Variants in ZNF804B observed in about 807,000 individuals in gnomAD.
ZNF804B encodes zinc finger 804B.
A neutral mutation model predicts 101.4 loss-of-function variants in ZNF804B; 80 were observed. That is an observed-to-expected ratio of 0.79 (90% CI 0.66 to 0.95). The LOEUF (loss-of-function observed/expected upper bound fraction) is 0.95, where lower values mean the gene tolerates loss of function less well. Ranked by LOEUF, ZNF804B falls within the 40% of genes least tolerant of loss-of-function variation. ZNF804B has a pLI of 0.00. For missense variants in ZNF804B, 1,673 were observed against 1,561.9 expected (o/e 1.07, Z -1.20); for synonymous variants, 622 against 558.8 (o/e 1.11, Z -1.59).
Position 89,337,008 on chromosome 7 carries a change from A to G in ZNF804B, c.4026A>G (p.Leu1342=). 1 of 1,613,938 alleles carries G rather than the reference A, an allele frequency of 6.2e-7. No individual in the cohort carries two copies. The highest frequency in any genetic ancestry group is 1.3e-5 in the African/African-American group (1 of 75,028). ...AGCTAAATGAAGTGAAAGAGGCCTT[A>G]AATGTGTCCACACACTTGAACTAAT... ...MQQLNEVKEA[L]NVSTHLN Residue 1342 remains leucine, a synonymous_variant, in exon 4 of 4, where the codon TTA becomes TTG. Coordinates refer to ENST00000333190, the MANE Select transcript of ZNF804B (RefSeq NM_181646.5).
chr7:88,903,728 G>T (rs1289864769), intron 1 of ZNF804B, among the ~76,000 whole-genome samples: 1 of 152,030 alleles, frequency 6.6e-6, no homozygotes, highest in Non-Finnish European at 1.5e-5. Flanking sequence ...ATTTTTTCAT[G>T]TCTGTTGGCC....
At chr7:88,928,204 C>T (rs1792834394) in intron 1 of ZNF804B, among the ~76,000 whole-genome samples, 1 of 152,086 alleles carries the variant, frequency 6.6e-6, no homozygotes, top group Non-Finnish European at 1.5e-5. Flanking sequence ...CTACTCCTGA[C>T]TTTATTTCTC....
intron 1 of ZNF804B, among the ~76,000 whole-genome samples, chr7:89,065,789 C>A (rs193250476): frequency 2.4e-3 from 369 of 152,212 alleles, no homozygotes; most frequent in African/African-American, 8.0e-3. Context: ...TCATCTCAAC[C>A]TTTTACTTCC....
chr7:89,253,822 T>A lies in ZNF804B; in HGVS notation c.249+35527T>A, dbSNP rs537681180. The stretch of plus-strand genomic sequence containing the variant: ...CATCAATTTAAAAAATAAAAATATA[T>A]AGGTATAATCTAAGCTGAATTTCTC... On this transcript the variant is annotated intron_variant, in intron 2 of 3. Transcript: ENST00000333190. 8.3e-4 allele frequency among the ~76,000 whole-genome samples: 126 copies of A among 152,206 alleles called. 1 individual carries two copies. The highest frequency in any genetic ancestry group is 8.7e-4 in the Non-Finnish European group (59 of 67,966).
rs778078214 is a variant in ZNF804B, at chr7:89,285,522, C to CAAAAAAAAAAA, written c.250-41806_250-41796dup. The stretch of plus-strand genomic sequence containing the variant: ...TGGGCGAGAGAGCGAGACTCTGTCT[C>CAAAAAAAAAAA]AAAAAAAAAAAAAAAAAAAAAAAAA... On this transcript the variant is annotated intron_variant, in intron 2 of 3. Transcript: ENST00000333190. 9.5e-3 allele frequency among the ~76,000 whole-genome samples: 212 copies of CAAAAAAAAAAA among 22,384 alleles called. 22 individuals are homozygous for CAAAAAAAAAAA. Among genetic ancestry groups the CAAAAAAAAAAA allele is most frequent in the Non-Finnish European group, 0.012 (144 of 12,252 alleles). 14.7% of individuals were successfully genotyped at this position (22,384 alleles called of 152,430 possible).
At chr7:88,769,098 T>C (rs1375978173) in intron 1 of ZNF804B, among the ~76,000 whole-genome samples, 1 of 152,190 alleles carries the variant, frequency 6.6e-6, no homozygotes, top group Non-Finnish European at 1.5e-5. Context: ...GATGTTGTAG[T>C]GGGGGAAAAC....
intron 1 of ZNF804B, among the ~76,000 whole-genome samples, chr7:89,176,591 CTTTTTTTTTT>C (rs35866405): frequency 1.4e-5 from 1 of 71,942 alleles, no homozygotes; most frequent in Non-Finnish European, 2.7e-5. Context: ...TTCTTTCTTT[CTTTTTTTTTT>C]TTTTTTTCAT....
chr7:89,225,174 G>T (rs1051078708), intron 2 of ZNF804B, among the ~76,000 whole-genome samples: 12 of 151,966 alleles, frequency 7.9e-5, no homozygotes, highest in African/African-American at 2.9e-4. Context: ...CTAATGTCCT[G>T]TTGCCACTAT....
At chr7:88,760,895 A>G (rs975934308) in intron 1 of ZNF804B, among the ~76,000 whole-genome samples, 2 of 100,226 alleles carry the variant, frequency 2.0e-5, no homozygotes, top group African/African-American at 4.5e-5. Flanking sequence ...ATATATATAT[A>G]TAATAAATAT....
chr7:89,324,533 T>G (rs1216101457), intron 2 of ZNF804B, among the ~76,000 whole-genome samples: 3 of 150,056 alleles, frequency 2.0e-5, no homozygotes, highest in African/African-American at 7.4e-5. Context: ...ATTTAATATA[T>G]TATTATTATG....
intron 1 of ZNF804B, among the ~76,000 whole-genome samples, chr7:88,936,777 C>T (rs897705946): frequency 2.0e-5 from 3 of 151,950 alleles, no homozygotes; most frequent in African/African-American, 7.2e-5. Flanking sequence ...CTACCTTATG[C>T]TTGGTGGGAA....
At chr7:88,851,170 T>G (rs938691150) in intron 1 of ZNF804B, among the ~76,000 whole-genome samples, 1 of 152,102 alleles carries the variant, frequency 6.6e-6, no homozygotes, top group Non-Finnish European at 1.5e-5. Context: ...TCAGGTAGCC[T>G]AATATATGTA....
intron 1 of ZNF804B, among the ~76,000 whole-genome samples, chr7:89,008,549 C>T (rs566908627): frequency 6.6e-5 from 10 of 152,262 alleles, no homozygotes; most frequent in African/African-American, 2.4e-4. Context: ...AACATTCCCC[C>T]AACACTGTCC....
At chr7:89,222,616 G>A (rs999655080) in intron 2 of ZNF804B, among the ~76,000 whole-genome samples, 9 of 151,834 alleles carry the variant, frequency 5.9e-5, no homozygotes, top group Admixed American at 3.3e-4. Context: ...CTTCAAACAT[G>A]TCTTATGCTT....
rs1294160717 is a variant in ZNF804B, at chr7:89,333,860, A to G, written c.878A>G (p.His293Arg). ...ISPSHLESVL[H>R]NTISINSKIL... ...CCAAGCCATCTGGAAAGTGTTTTAC[A>G]CAATACCATCTCCATAAACTCTAAA... Residue 293 changes from histidine (H) to arginine (R), a missense_variant, in exon 4 of 4, where the codon CAC becomes CGC. Coordinates refer to ENST00000333190, the MANE Select transcript of ZNF804B (RefSeq NM_181646.5). The G allele has an allele frequency of 1.2e-6, 2 of 1,613,394 alleles. No individual in the cohort carries two copies. The highest frequency in any genetic ancestry group is 1.6e-4 in the Middle Eastern group (1 of 6,078).
chr7:89,005,529 T>A (rs187855681), intron 1 of ZNF804B, among the ~76,000 whole-genome samples: 3 of 152,236 alleles, frequency 2.0e-5, no homozygotes, highest in East Asian at 1.9e-4. Context: ...TTACTTGAGA[T>A]AATAAAATTA....
At chr7:89,064,188 C>A (rs922799992) in intron 1 of ZNF804B, among the ~76,000 whole-genome samples, 3 of 152,126 alleles carry the variant, frequency 2.0e-5, no homozygotes, top group African/African-American at 7.2e-5. Context: ...TACCTTGGGT[C>A]CAAATGACTG....
chr7:88,914,182 C>A (rs1276976855), intron 1 of ZNF804B, among the ~76,000 whole-genome samples: 2 of 152,056 alleles, frequency 1.3e-5, no homozygotes, highest in East Asian at 3.9e-4. Context: ...GTAATGAACA[C>A]TGAGAAATGA....
At chr7:89,064,896 A>T (rs957644437) in intron 1 of ZNF804B, among the ~76,000 whole-genome samples, 2 of 152,162 alleles carry the variant, frequency 1.3e-5, no homozygotes, top group Non-Finnish European at 2.9e-5. Flanking sequence ...TTCACTTAAG[A>T]GTCATCGAGA....
Sources: gnomAD v4.1 joint callset for allele counts (sites outside exome capture counted in the v4.1 genomes callset) on GRCh38, gnomAD v4.1.1 for gene constraint, MANE v1.5 for transcripts, NCBI Gene and HGNC (gene_info 2026-07-23, HGNC 2026-07-21) for gene names.